The following RALGPS2 variants were observed in gnomAD, a reference collection of about 807,000 sequenced individuals.
RALGPS2 encodes the protein Ral GEF with PH domain and SH3 binding motif 2, also known as ras-specific guanine nucleotide-releasing factor RalGPS2.
In RALGPS2, 43 loss-of-function variants were observed where a neutral mutation model predicts 86.8. The observed-to-expected ratio is 0.50, with a 90% CI of 0.39 to 0.64. The LOEUF (loss-of-function observed/expected upper bound fraction) is 0.64, where lower values mean the gene tolerates loss of function less well. Among genes scored for constraint, RALGPS2 ranks in the 30% least tolerant of loss-of-function variants. The probability of loss-of-function intolerance (pLI) is 0.00; values close to 1 mark genes in which losing one functional copy is unlikely to be tolerated. For synonymous variants in RALGPS2, 243 were observed against 231.3 expected (o/e 1.05, Z -0.46); for missense variants, 536 against 694.6 (o/e 0.77, Z 2.57).
intron 13 of RALGPS2, among the ~76,000 whole-genome samples, chr1:178,888,968 T>G (rs1659605487): frequency 6.6e-6 from 1 of 152,128 alleles, no homozygotes; most frequent in Admixed American, 6.5e-5. Context: ...AGAATTACCT[T>G]TAAAGTAACA....
intron 6 of RALGPS2, among the ~76,000 whole-genome samples, chr1:178,820,760 C>T (rs931194977): frequency 2.6e-5 from 4 of 151,940 alleles, no homozygotes; most frequent in Admixed American, 2.6e-4. Context: ...AATGGTTTTC[C>T]AGTTAGATTA....
chr1:178,878,576 T>C (rs980560970), intron 9 of RALGPS2, among the ~76,000 whole-genome samples: 2 of 152,162 alleles, frequency 1.3e-5, no homozygotes, highest in African/African-American at 4.8e-5. Flanking sequence ...ACCAGGTTTC[T>C]TTAAAAGAAA....
intron 8 of RALGPS2, among the ~76,000 whole-genome samples, chr1:178,845,723 G>C (rs1656836271): frequency 6.6e-6 from 1 of 152,116 alleles, no homozygotes; most frequent in Non-Finnish European, 1.5e-5. Context: ...TGGTGCCTCA[G>C]CTGGCACCTA....
chr1:178,861,807 C>A (rs993434701), intron 8 of RALGPS2, among the ~76,000 whole-genome samples: 12 of 152,152 alleles, frequency 7.9e-5, no homozygotes, highest in Non-Finnish European at 1.3e-4. Context: ...TATTTCTATA[C>A]CCAGTGGGTC....
chr1:178,910,093 AT>A (rs746399362), intron 19 of RALGPS2, among the ~76,000 whole-genome samples: 4 of 152,152 alleles, frequency 2.6e-5, no homozygotes, highest in Admixed American at 1.3e-4. Context: ...AATGCTGTTG[AT>A]TTTTGTACAT....
At chr1:178,857,437 T>TG (rs915011747) in intron 8 of RALGPS2, among the ~76,000 whole-genome samples, 5 of 151,990 alleles carry the variant, frequency 3.3e-5, no homozygotes, top group East Asian at 1.9e-4. Flanking sequence ...TAGAGTCAAG[T>TG]GGGGGGTGGG....
intron 1 of RALGPS2, among the ~76,000 whole-genome samples, chr1:178,769,854 A>G (rs544355583): frequency 6.6e-6 from 1 of 152,240 alleles, no homozygotes; most frequent in East Asian, 1.9e-4. Context: ...TCAGATGCCC[A>G]GGGAAAAAGT....
rs1659462357 is a variant in RALGPS2, at chr1:178,885,963, T to C, written c.1041-6T>C. ...AAAAGATATGAACTTTTTTTTCTGT[T>C]TCTAGTTTCATTCATAAAATGAACA... On this transcript the variant is annotated splice_region_variant and splice_polypyrimidine_tract_variant and intron_variant, in intron 12 of 19. Coordinates refer to ENST00000367635, the MANE Select transcript of RALGPS2 (RefSeq NM_152663.5). 1 of 1,578,252 alleles carries C rather than the reference T, an allele frequency of 6.3e-7. No individual in the cohort carries two copies. The highest frequency in any genetic ancestry group is 1.4e-5 in the African/African-American group (1 of 72,768).
intron 8 of RALGPS2, among the ~76,000 whole-genome samples, chr1:178,838,828 T>C (rs1009376787): frequency 5.9e-5 from 9 of 152,180 alleles, no homozygotes; most frequent in Non-Finnish European, 1.0e-4. Context: ...AATGACCTGA[T>C]GGAGCTGAAA....
chr1:178,803,825 G>A (rs1475280599), intron 4 of RALGPS2, among the ~76,000 whole-genome samples: 1 of 152,022 alleles, frequency 6.6e-6, no homozygotes, highest in East Asian at 1.9e-4. Context: ...TCTCCCCTCA[G>A]TATTCCCTAT....
intron 7 of RALGPS2, among the ~76,000 whole-genome samples, chr1:178,830,356 G>A (rs936762482): frequency 3.9e-5 from 6 of 152,142 alleles, no homozygotes; most frequent in South Asian, 2.1e-4. Flanking sequence ...CTTGGACAGT[G>A]TATGATTCCT....
intron 8 of RALGPS2, among the ~76,000 whole-genome samples, chr1:178,847,333 C>A (rs1656916009): frequency 6.6e-6 from 1 of 151,990 alleles, no homozygotes; most frequent in African/African-American, 2.4e-5. Context: ...GTAATCCCAG[C>A]TACTGGGGAG....
At chr1:178,865,738 G>A (rs1309436394) in intron 8 of RALGPS2, 8 of 1,612,368 alleles carry the variant, frequency 5.0e-6, no homozygotes, top group Non-Finnish European at 6.8e-6. Context: ...CCACTAGTAG[G>A]AAGAATAGCA....
chr1:178,760,114 T>C (rs910500522), intron 1 of RALGPS2, among the ~76,000 whole-genome samples: 10 of 152,224 alleles, frequency 6.6e-5, no homozygotes, highest in African/African-American at 2.4e-4. Context: ...TTTCCAGTAC[T>C]GTGTTGAATA....
At chr1:178,758,977 C>A (rs1572293975) in intron 1 of RALGPS2, among the ~76,000 whole-genome samples, 1 of 151,746 alleles carries the variant, frequency 6.6e-6, no homozygotes, top group Admixed American at 6.6e-5. Flanking sequence ...GGTTATTAAT[C>A]CCTTCTCAGA....
At chr1:178,841,014 T>C (rs1006268814) in intron 8 of RALGPS2, among the ~76,000 whole-genome samples, 3 of 152,154 alleles carry the variant, frequency 2.0e-5, no homozygotes, top group Admixed American at 6.6e-5. Context: ...ATTAATAGCC[T>C]ACCAACCAAA....
intron 4 of RALGPS2, among the ~76,000 whole-genome samples, chr1:178,805,847 TA>T (rs1654717013): frequency 6.6e-6 from 1 of 152,174 alleles, no homozygotes; most frequent in South Asian, 2.1e-4. Context: ...TTCTTTGAGC[TA>T]AAATGTACTT....
intron 7 of RALGPS2, among the ~76,000 whole-genome samples, chr1:178,822,810 T>G (rs570265571): frequency 6.6e-6 from 1 of 152,274 alleles, no homozygotes; most frequent in East Asian, 1.9e-4. Flanking sequence ...TTTAAAGTTT[T>G]AGGGAAAAGA....
chr1:178,902,703 C>G (rs1055058652), intron 18 of RALGPS2, among the ~76,000 whole-genome samples: 1 of 151,906 alleles, frequency 6.6e-6, no homozygotes, highest in Non-Finnish European at 1.5e-5. Context: ...TATTCAGAAC[C>G]AATATTCTGC....
Sources: allele counts gnomAD v4.1 joint callset (sites outside exome capture counted in the v4.1 genomes callset), GRCh38; gene constraint gnomAD v4.1.1; transcripts MANE v1.5; gene names NCBI Gene and HGNC (gene_info 2026-07-23, HGNC 2026-07-21).